Variants in TMEM131L observed in about 807,000 individuals in gnomAD.
TMEM131L encodes transmembrane 131 like.
TMEM131L carries 54 observed loss-of-function variants against 192.2 expected under a neutral mutation model. That is an observed-to-expected ratio of 0.28 (90% CI 0.23 to 0.35). TMEM131L has a LOEUF of 0.35. TMEM131L is among the 10% of genes least tolerant of loss of function. The pLI is 1.00. For synonymous variants in TMEM131L, 701 were observed against 704.9 expected (o/e 0.99, Z 0.09); for missense variants, 1,888 against 1,972.9 (o/e 0.96, Z 0.82).
intron 3 of TMEM131L, among the ~76,000 whole-genome samples, chr4:153,525,355 T>A (rs1735393762): frequency 1.3e-5 from 2 of 152,214 alleles, no homozygotes; most frequent in African/African-American, 4.8e-5. Context: ...TTTCTTTTTT[T>A]TTGAGACTGG....
chr4:153,603,854 G>A lies in TMEM131L; in HGVS notation c.2842G>A (p.Gly948Arg), dbSNP rs1317416568. 1 of 1,612,524 alleles carries A rather than the reference G, an allele frequency of 6.2e-7. No individual in the cohort carries two copies. The highest frequency in any genetic ancestry group is 1.3e-5 in the African/African-American group (1 of 74,848). ...DTYGPSDKGR[G>R]KNCLPVNTPQ... is the part of the protein sequence containing the mutation. ...ATATGGCCCCTCTGATAAAGGCAGGGGGAAGAACTGCCTTCCAGTGAACAC... is the reference window on the plus strand; with the variant it reads ...ATATGGCCCCTCTGATAAAGGCAGGAGGAAGAACTGCCTTCCAGTGAACAC... The change falls in exon 25 of 35, where the codon GGG becomes AGG. Residue 948 changes from glycine to arginine, a missense_variant. Gly to Arg is a moderately radical substitution (Grantham distance 125, BLOSUM62 -2). Coordinates refer to ENST00000409959, the MANE Select transcript of TMEM131L (RefSeq NM_001131007.2).
intron 30 of TMEM131L, among the ~76,000 whole-genome samples, chr4:153,627,204 C>G (rs1429177934): frequency 6.6e-6 from 1 of 152,074 alleles, no homozygotes; most frequent in East Asian, 1.9e-4. Flanking sequence ...GGCACACTCC[C>G]CAGTCAGCCT....
intron 3 of TMEM131L, among the ~76,000 whole-genome samples, chr4:153,500,438 G>A (rs921556844): frequency 6.6e-6 from 1 of 152,162 alleles, no homozygotes; most frequent in African/African-American, 2.4e-5. Flanking sequence ...TTTGCCAATA[G>A]TGGATAGAGT....
chr4:153,502,434 T>C (rs919357121), intron 3 of TMEM131L, among the ~76,000 whole-genome samples: 1 of 152,218 alleles, frequency 6.6e-6, no homozygotes, highest in East Asian at 1.9e-4. Context: ...ACCTTATTAG[T>C]ATACTCAATC....
At chr4:153,576,449 A>C (rs901160134) in intron 7 of TMEM131L, among the ~76,000 whole-genome samples, 1 of 152,248 alleles carries the variant, frequency 6.6e-6, no homozygotes, top group African/African-American at 2.4e-5. Context: ...ATCTTAATTA[A>C]AATGGCAAGT....
chr4:153,467,069 G>A lies in TMEM131L; in HGVS notation c.125-142G>A, dbSNP rs1371236876. 6.4e-6 allele frequency: 5 copies of A among 786,966 alleles called. No individual in the cohort carries two copies. In the Admixed American group the frequency reaches 7.0e-5, roughly 11 times the overall value. 48.7% of individuals were successfully genotyped at this position (786,966 alleles called of 1,614,324 possible). On this transcript the variant is annotated intron_variant, in intron 1 of 34. Transcript: ENST00000409959. ...CCCATTGTATTTTTATCCTTGGCTC[G>A]CCCCTGGGATGGCCTCTGTTCCCAG...
Position 153,557,059 on chromosome 4 carries a change from T to C in TMEM131L, c.526T>C (p.Ser176Pro). The C allele has an allele frequency of 6.6e-7, 1 of 1,523,074 alleles. No individual in the cohort carries two copies. Among genetic ancestry groups the C allele is most frequent in the Non-Finnish European group, 9.1e-7 (1 of 1,099,884 alleles). The allele number at this position is 1,523,074 out of a possible 1,614,324, so 94.3% of individuals were successfully genotyped here. ...IESSLFINTS[S>P]YGVLSYHVSG... ...AAGTTCCTTATTTATTAATACCTCT[T>C]CGTATGGAGTCCTTTCCTATCATGT... Residue 176 changes from serine to proline, a missense_variant, in exon 6 of 35, where the codon TCG (serine) becomes CCG (proline). Coordinates refer to ENST00000409959, the MANE Select transcript of TMEM131L (RefSeq NM_001131007.2).
At chr4:153,477,599 T>TA (rs375780565) in intron 3 of TMEM131L, among the ~76,000 whole-genome samples, 5 of 150,530 alleles carry the variant, frequency 3.3e-5, no homozygotes, top group East Asian at 1.9e-4. Flanking sequence ...ATGACTTATA[T>TA]AAAAAAAAAA....
intron 4 of TMEM131L, among the ~76,000 whole-genome samples, chr4:153,552,805 G>A (rs946988323): frequency 6.6e-6 from 1 of 152,026 alleles, no homozygotes; most frequent in African/African-American, 2.4e-5. Context: ...CTGCACTCCA[G>A]CCTAGATGAC....
chr4:153,567,930 A>G (rs1729333402), intron 7 of TMEM131L, among the ~76,000 whole-genome samples: 1 of 152,150 alleles, frequency 6.6e-6, no homozygotes, highest in South Asian at 2.1e-4. Context: ...CTATCTACCT[A>G]AGGCAAGCTA....
At chr4:153,593,374 C>A (rs1424747559) in intron 18 of TMEM131L, among the ~76,000 whole-genome samples, 1 of 152,086 alleles carries the variant, frequency 6.6e-6, no homozygotes, top group East Asian at 1.9e-4. Flanking sequence ...CTGGCTTCTC[C>A]CACTAGATGC....
In TMEM131L at chr4:153,557,081, A is replaced by T; in HGVS notation, c.548A>T (p.His183Leu). Residue 183 changes from histidine to leucine, a missense_variant and splice_region_variant, in exon 6 of 35, where the codon CAT becomes CTT. Coordinates refer to ENST00000409959, the MANE Select transcript of TMEM131L (RefSeq NM_001131007.2). ...NTSSYGVLSYHVSGIGTRRIS... is the reference protein window; with the variant it reads ...NTSSYGVLSYLVSGIGTRRIS... ...TCTTCGTATGGAGTCCTTTCCTATC[A>T]TGTGAGTAACTTTTTCCTTTTGTCA... 7.4e-7 allele frequency: 1 copy of T among 1,351,418 alleles called. No homozygotes were observed. The highest frequency in any genetic ancestry group is 1.5e-5 in the African/African-American group (1 of 68,474). The allele number at this position is 1,351,418 out of a possible 1,614,324, so 83.7% of individuals were successfully genotyped here.
intron 25 of TMEM131L, among the ~76,000 whole-genome samples, chr4:153,606,513 T>A (rs1256509973): frequency 6.6e-6 from 1 of 152,202 alleles, no homozygotes; most frequent in Non-Finnish European, 1.5e-5. Context: ...GAATTCTTCT[T>A]CAGGATCCTC....
intron 3 of TMEM131L, among the ~76,000 whole-genome samples, chr4:153,499,087 C>T (rs1733399233): frequency 6.6e-6 from 1 of 152,252 alleles, no homozygotes; most frequent in Non-Finnish European, 1.5e-5. Context: ...TCCAAAACCT[C>T]TGTGGCTCAT....
intron 3 of TMEM131L, among the ~76,000 whole-genome samples, chr4:153,542,194 C>T (rs1488652477): frequency 6.6e-6 from 1 of 152,124 alleles, no homozygotes; most frequent in Non-Finnish European, 1.5e-5. Flanking sequence ...AGAGGAAGAG[C>T]TTTGGAAATG....
At chr4:153,578,271 G>A (rs1271623030) in intron 7 of TMEM131L, among the ~76,000 whole-genome samples, 11 of 152,126 alleles carry the variant, frequency 7.2e-5, no homozygotes, top group African/African-American at 1.4e-4. Context: ...TGGGAGGATC[G>A]CTTGAGGCCA....
chr4:153,473,594 A>ACAGATCCGGTGAATGGACCCTAAAGGAG (rs1731309828), intron 2 of TMEM131L, among the ~76,000 whole-genome samples: 1 of 152,110 alleles, frequency 6.6e-6, no homozygotes, highest in African/African-American at 2.4e-5. Context: ...GAGTTTGAGA[A>ACAGATCCGGTGAATGGACCCTAAAGGAG]CAGCCTGGCC....
chr4:153,624,800 A>G (rs569779628), intron 29 of TMEM131L, among the ~76,000 whole-genome samples: 1 of 152,298 alleles, frequency 6.6e-6, no homozygotes, highest in Admixed American at 6.5e-5. Context: ...AACACAAGCC[A>G]TAGAGAATTT....
At chr4:153,496,485 G>A (rs1470860230) in intron 3 of TMEM131L, among the ~76,000 whole-genome samples, 1 of 152,192 alleles carries the variant, frequency 6.6e-6, no homozygotes, top group African/African-American at 2.4e-5. Flanking sequence ...CTCTGCATAG[G>A]TCACTGTGAC....
Sources: gnomAD v4.1 joint callset for allele counts (sites outside exome capture counted in the v4.1 genomes callset) on GRCh38, gnomAD v4.1.1 for gene constraint, MANE v1.5 for transcripts, NCBI Gene and HGNC (gene_info 2026-07-23, HGNC 2026-07-21) for gene names.